Variants in CYB5R4 observed in about 807,000 individuals in gnomAD.
CYB5R4 encodes N-terminal cytochrome b5 and cytochrome b5 oxidoreductase domain-containing protein.
CYB5R4 carries 55 observed loss-of-function variants against 70.2 expected under a neutral mutation model. The observed-to-expected ratio is 0.78, with a 90% CI of 0.63 to 0.98. The LOEUF (loss-of-function observed/expected upper bound fraction) is 0.98. Ranked by LOEUF, CYB5R4 falls within the 50% of genes least tolerant of loss-of-function variation. The pLI is 0.00. For synonymous variants in CYB5R4, 197 were observed against 199.5 expected (o/e 0.99, Z 0.11); for missense variants, 562 against 612.6 (o/e 0.92, Z 0.87).
At chr6:83,921,271 T>G (rs929344079) in intron 8 of CYB5R4, 96 bp downstream of exon 8, 1 of 1,086,664 alleles carries the variant, frequency 9.2e-7, no homozygotes, top group African/African-American at 1.7e-5. Context: ...ATATTTTATC[T>G]GCTGTTACCA....
intron 2 of CYB5R4, among the ~76,000 whole-genome samples, chr6:83,875,265 T>G (rs1285217867): frequency 6.6e-6 from 1 of 151,500 alleles, no homozygotes; most frequent in African/African-American, 2.4e-5. Context: ...AAACTTTTTA[T>G]TTTTTAATTA....
intron 2 of CYB5R4, among the ~76,000 whole-genome samples, chr6:83,887,820 G>T (rs1184261527): frequency 6.6e-6 from 1 of 152,066 alleles, no homozygotes; most frequent in Non-Finnish European, 1.5e-5. Flanking sequence ...TGGATGGATG[G>T]GTAGATGGAT....
At chr6:83,909,620 A>C (rs58670433) in intron 4 of CYB5R4, among the ~76,000 whole-genome samples, 1,633 of 152,324 alleles carry the variant, frequency 0.011, 29 homozygotes, top group African/African-American at 0.037. Context: ...TATCTTACTA[A>C]AAACTACAGA....
At chr6:83,957,989 G>A (rs1229280159) in intron 15 of CYB5R4, among the ~76,000 whole-genome samples, 1 of 152,070 alleles carries the variant, frequency 6.6e-6, no homozygotes, top group African/African-American at 2.4e-5. Context: ...TCTGAAAAAT[G>A]AGTCTTTCTT....
At chr6:83,884,128 CTAAT>C (rs1489110707) in intron 2 of CYB5R4, among the ~76,000 whole-genome samples, 3 of 151,698 alleles carry the variant, frequency 2.0e-5, no homozygotes, top group Non-Finnish European at 4.4e-5. Flanking sequence ...ATCGAGCACT[CTAAT>C]TAAAACTATT....
rs568386827 is a variant in CYB5R4, at chr6:83,924,696, G to T, written c.814+104G>T. On this transcript the variant is annotated intron_variant, in intron 10 of 15. Coordinates refer to ENST00000369681, the MANE Select transcript of CYB5R4 (RefSeq NM_016230.4). ...AGGCTGCTTTGAAATGAGCTGAAGG[G>T]TCCTTGTATCTACTGCTAGGAAGTT... 6 of 1,215,370 alleles carry T rather than the reference G, an allele frequency of 4.9e-6. No homozygotes were observed. The African/African-American group carries it at 7.6e-5, about 15-fold the overall frequency. The allele number at this position is 1,215,370 out of a possible 1,614,324, so 75.3% of individuals were successfully genotyped here.
intron 3 of CYB5R4, among the ~76,000 whole-genome samples, chr6:83,896,611 G>A (rs1175781492): frequency 6.6e-6 from 1 of 151,996 alleles, no homozygotes; most frequent in Non-Finnish European, 1.5e-5. Context: ...TCTTTTTTAT[G>A]GCCAAATAGT....
At chr6:83,872,040 T>G (rs1208159324) in intron 2 of CYB5R4, among the ~76,000 whole-genome samples, 2 of 152,202 alleles carry the variant, frequency 1.3e-5, no homozygotes, top group African/African-American at 2.4e-5. Context: ...ATAGCTAGTT[T>G]AAGATTTTTT....
chr6:83,943,346 C>T (rs2099470059), intron 14 of CYB5R4, among the ~76,000 whole-genome samples: 1 of 152,090 alleles, frequency 6.6e-6, no homozygotes, highest in South Asian at 2.1e-4. Flanking sequence ...TCCCGGCAAA[C>T]TCCAGCAGAC....
intron 2 of CYB5R4, among the ~76,000 whole-genome samples, chr6:83,868,272 C>T (rs967523758): frequency 1.1e-4 from 16 of 152,148 alleles, no homozygotes; most frequent in South Asian, 4.2e-4. Flanking sequence ...GTGGGAGACA[C>T]AATCAGTTTC....
intron 3 of CYB5R4, among the ~76,000 whole-genome samples, chr6:83,901,410 A>T (rs946652751): frequency 6.6e-6 from 1 of 151,908 alleles, no homozygotes. Flanking sequence ...CTTCATTTCA[A>T]CTTTGGTGAA....
intron 3 of CYB5R4, among the ~76,000 whole-genome samples, chr6:83,906,531 T>C (rs1231291637): frequency 3.3e-5 from 5 of 152,188 alleles, no homozygotes. Flanking sequence ...TAGGATTGCA[T>C]GAGTCCATGG....
chr6:83,930,782 T>TG (rs1369916670), intron 10 of CYB5R4, among the ~76,000 whole-genome samples: 3 of 140,704 alleles, frequency 2.1e-5, no homozygotes, highest in South Asian at 4.3e-4. Flanking sequence ...ACTTACTATG[T>TG]GAAAAAAAAA....
At chr6:83,924,422 C>A (rs1271526930) in intron 9 of CYB5R4, 48 bp from the exon 10 acceptor site, 1 of 1,587,798 alleles carries the variant, frequency 6.3e-7, no homozygotes, top group South Asian at 1.1e-5. Context: ...AAAATAAAAT[C>A]TTGTATTTAG....
At chr6:83,873,464 C>G (rs943107842) in intron 2 of CYB5R4, among the ~76,000 whole-genome samples, 1 of 152,198 alleles carries the variant, frequency 6.6e-6, no homozygotes, top group South Asian at 2.1e-4. Flanking sequence ...TGGTCTTGAA[C>G]TCTTGACCTC....
intron 3 of CYB5R4, among the ~76,000 whole-genome samples, chr6:83,899,986 AG>A (rs1317025259): frequency 3.3e-5 from 5 of 151,812 alleles, no homozygotes; most frequent in African/African-American, 1.2e-4. Context: ...CTCTGATCTT[AG>A]TTATTTCTTG....
At chr6:83,903,714 A>G (rs1418685032) in intron 3 of CYB5R4, among the ~76,000 whole-genome samples, 2 of 151,726 alleles carry the variant, frequency 1.3e-5, no homozygotes, top group Non-Finnish European at 2.9e-5. Flanking sequence ...TACTGATTCA[A>G]TCTTGCTACT....
At chr6:83,867,515 T>C (rs1378580860) in intron 2 of CYB5R4, among the ~76,000 whole-genome samples, 1 of 152,102 alleles carries the variant, frequency 6.6e-6, no homozygotes, top group Non-Finnish European at 1.5e-5. Context: ...GTGGTAGGTG[T>C]GGTGAATTGA....
At chr6:83,942,143 G>C (rs1312275557) in intron 14 of CYB5R4, among the ~76,000 whole-genome samples, 1 of 152,160 alleles carries the variant, frequency 6.6e-6, no homozygotes, top group Non-Finnish European at 1.5e-5. Flanking sequence ...GTTTTTGTAA[G>C]TAAATGTTTA....
Sources: allele counts gnomAD v4.1 joint callset (sites outside exome capture counted in the v4.1 genomes callset), GRCh38; gene constraint gnomAD v4.1.1; transcripts MANE v1.5; gene names NCBI Gene and HGNC (gene_info 2026-07-23, HGNC 2026-07-21).